XKR6: variants seen among roughly 807,000 people sequenced by gnomAD.
XKR6 encodes XK related 6.
A neutral mutation model predicts 56.7 loss-of-function variants in XKR6; 22 were observed. That is an observed-to-expected ratio of 0.39 (90% CI 0.28 to 0.55). The LOEUF is 0.55. Ranked by LOEUF, XKR6 falls within the 20% of genes least tolerant of loss-of-function variation. XKR6 has a pLI of 0.66. For synonymous variants in XKR6, 524 were observed against 387.8 expected, an observed-to-expected ratio of 1.35 and a Z score of -4.13; for missense variants, 852 against 889.0, an observed-to-expected ratio of 0.96 and a Z score of 0.53.
chr8:10,907,827 G>A (rs569945379), intron 2 of XKR6, among the ~76,000 whole-genome samples: 11 of 152,180 alleles, frequency 7.2e-5, no homozygotes, highest in Non-Finnish European at 1.0e-4. Flanking sequence ...GACCCACCCC[G>A]CGGAGGCCCT....
Position 11,038,497 on chromosome 8 carries a change from TTGTGTGTGTGTGTGTGTGTGTGTG to T in XKR6, c.765-113691_765-113668del, listed in dbSNP as rs34388531. 3.8e-3 allele frequency among the ~76,000 whole-genome samples: 497 copies of T among 130,218 alleles called. 2 individuals carry two copies. The highest frequency in any genetic ancestry group is 0.012 in the African/African-American group (424 of 34,514). The allele number at this position is 130,218 out of a possible 152,430, so 85.4% of individuals were successfully genotyped here. A position where few individuals can be genotyped will look rare whatever the true frequency, so the allele number is the denominator to read the frequency against. On this transcript the variant is annotated intron_variant, in intron 1 of 2. Coordinates refer to ENST00000416569, the MANE Select transcript of XKR6 (RefSeq NM_173683.4). ...ACTCAGATAAGTAATTGTAGTCATT[TTGTGTGTGTGTGTGTGTGTGTGTG>T]TGTGTGTGTGTGTGTGTGTGTGTGT...
chr8:11,013,368 G>A (rs769399854), intron 1 of XKR6, among the ~76,000 whole-genome samples: 1 of 152,164 alleles, frequency 6.6e-6, no homozygotes, highest in Non-Finnish European at 1.5e-5. Context: ...ATCACAAAGT[G>A]AGATCTAAGA....
intron 2 of XKR6, among the ~76,000 whole-genome samples, chr8:10,900,841 G>A (rs1379692527): frequency 7.1e-5 from 10 of 140,966 alleles, no homozygotes; most frequent in Admixed American, 4.5e-4. Flanking sequence ...CTGGAGGGCA[G>A]AGGATGTGCA....
chr8:10,953,155 T>A (rs1423888552), intron 1 of XKR6, among the ~76,000 whole-genome samples: 1 of 152,216 alleles, frequency 6.6e-6, no homozygotes, highest in Admixed American at 6.5e-5. Flanking sequence ...AAATAAAGTG[T>A]ACAATCAATG....
At chr8:10,965,797 G>T (rs113763805) in intron 1 of XKR6, among the ~76,000 whole-genome samples, 98 of 152,328 alleles carry the variant, frequency 6.4e-4, no homozygotes, top group Middle Eastern at 6.8e-3. Context: ...AGATGTTCTT[G>T]CTTCCGACCG....
chr8:10,991,480 G>C (rs994664790), intron 1 of XKR6, among the ~76,000 whole-genome samples: 11 of 152,308 alleles, frequency 7.2e-5, no homozygotes, highest in Admixed American at 5.2e-4. Context: ...TCTATTTCAA[G>C]ATTAATTTGG....
At chr8:11,191,720 G>C (rs894528599) in intron 1 of XKR6, among the ~76,000 whole-genome samples, 3 of 148,234 alleles carry the variant, frequency 2.0e-5, no homozygotes, top group Non-Finnish European at 4.5e-5. Flanking sequence ...AAAAAAAACA[G>C]AGAGGGACTA....
At chr8:11,078,162 T>C (rs1039871480) in intron 1 of XKR6, among the ~76,000 whole-genome samples, 1 of 152,146 alleles carries the variant, frequency 6.6e-6, no homozygotes, top group South Asian at 2.1e-4. Context: ...GACAGACCTA[T>C]TTTTAAAATT....
chr8:11,149,603 T>C (rs142330224), intron 1 of XKR6, among the ~76,000 whole-genome samples: 84 of 152,018 alleles, frequency 5.5e-4, no homozygotes, highest in African/African-American at 1.9e-3. Flanking sequence ...AGAATGCCTA[T>C]GCTTCACGTT....
intron 1 of XKR6, among the ~76,000 whole-genome samples, chr8:11,145,033 G>T (rs914319601): frequency 7.1e-6 from 1 of 141,490 alleles, no homozygotes; most frequent in South Asian, 2.4e-4. Flanking sequence ...GGGAGAAAGG[G>T]AGAGAAAGAA....
chr8:11,035,319 G>A (rs1433411582), intron 1 of XKR6: 1 of 534,800 alleles, frequency 1.9e-6, no homozygotes, highest in Non-Finnish European at 3.8e-6. Flanking sequence ...CCTGCGTTGT[G>A]GCAGCTTGGG....
rs140607334 is a variant in XKR6, at chr8:10,957,234, A to G, written c.765-32404T>C. ...CTGAAATGCTGGGATTCCAGGCAGG[A>G]GCCACCTTGCCCAGCCATAACTCAG... is the stretch of plus-strand genomic sequence containing the variant. On this transcript the variant is annotated intron_variant, in intron 1 of 2. Transcript: ENST00000416569. 1.8e-3 allele frequency among the ~76,000 whole-genome samples: 278 copies of G among 152,264 alleles called. 3 individuals carry two copies. The highest frequency in any genetic ancestry group is 3.4e-3 in the Middle Eastern group (1 of 294).
At chr8:11,060,151 G>T (rs1799793389) in intron 1 of XKR6, among the ~76,000 whole-genome samples, 1 of 152,166 alleles carries the variant, frequency 6.6e-6, no homozygotes, top group Non-Finnish European at 1.5e-5. Flanking sequence ...GCTTGGGGAG[G>T]GTGGCAGGCG....
rs368667098 is a variant in XKR6, at chr8:11,180,913, A to G, written c.764+19663T>C. Reference sequence around the variant, plus strand: ...CTGAGCAAGACCTTGTCTCTAAAATATAAAAATAATAAAATGTTGTAACAA... The same window carrying G: ...CTGAGCAAGACCTTGTCTCTAAAATGTAAAAATAATAAAATGTTGTAACAA... On this transcript the variant is annotated intron_variant, in intron 1 of 2. Coordinates refer to ENST00000416569, the MANE Select transcript of XKR6 (RefSeq NM_173683.4). Among the ~76,000 whole-genome samples the G allele has an allele frequency of 2.0e-5, 3 of 152,216 alleles. No homozygotes were observed. The East Asian group carries it at 5.8e-4, about 29-fold the overall frequency.
At chr8:11,097,472 CT>C (rs564669267) in intron 1 of XKR6, among the ~76,000 whole-genome samples, 1,716 of 118,402 alleles carry the variant, frequency 0.014, 25 homozygotes, top group African/African-American at 0.049. Flanking sequence ...GCAATATTTT[CT>C]TTTTTTTTTT....
chr8:11,083,419 A>C (rs1324725804), intron 1 of XKR6, among the ~76,000 whole-genome samples: 2 of 152,174 alleles, frequency 1.3e-5, no homozygotes, highest in East Asian at 3.9e-4. Flanking sequence ...AGGGAATGTC[A>C]CCACTGCGCC....
At chr8:11,058,930 C>A (rs1242146035) in intron 1 of XKR6, among the ~76,000 whole-genome samples, 1 of 152,206 alleles carries the variant, frequency 6.6e-6, no homozygotes, top group Non-Finnish European at 1.5e-5. Context: ...AACACAAATG[C>A]ACATTGTTCT....
intron 1 of XKR6, among the ~76,000 whole-genome samples, chr8:11,024,682 C>T (rs1286953104): frequency 6.6e-6 from 1 of 152,234 alleles, no homozygotes; most frequent in East Asian, 1.9e-4. Context: ...CACATTTCCA[C>T]CATCTGTTGA....
At chr8:10,989,481 G>A (rs1797938995) in intron 1 of XKR6, among the ~76,000 whole-genome samples, 1 of 152,142 alleles carries the variant, frequency 6.6e-6, no homozygotes, top group African/African-American at 2.4e-5. Context: ...ATCCATTTCG[G>A]GAATTGAAAG....
Sources: allele counts gnomAD v4.1 joint callset (sites outside exome capture counted in the v4.1 genomes callset), GRCh38; gene constraint gnomAD v4.1.1; transcripts MANE v1.5; gene names NCBI Gene and HGNC (gene_info 2026-07-23, HGNC 2026-07-21).